The following SPTBN4 variants were observed in gnomAD, a reference collection of about 807,000 sequenced individuals.
The protein encoded by SPTBN4 is spectrin beta chain, non-erythrocytic 4.
In SPTBN4, 96 loss-of-function variants were observed where a neutral mutation model predicts 277.8. That is an observed-to-expected ratio of 0.35 (90% CI 0.29 to 0.41). SPTBN4 has a LOEUF of 0.41. Ranked by LOEUF, SPTBN4 falls within the 10% of genes least tolerant of loss-of-function variation. The pLI is 1.00. For missense variants in SPTBN4, 3,006 were observed against 3,595.7 expected (o/e 0.84, Z 4.19); for synonymous variants, 1,481 against 1,580.3 (o/e 0.94, Z 1.49).
At position 40,554,094 on chromosome 19, in the gene SPTBN4, A is replaced by C; in HGVS notation, c.4675-53A>C. 4 of 1,390,342 alleles carry C rather than the reference A, an allele frequency of 2.9e-6. No homozygotes were observed. The highest frequency in any genetic ancestry group is 3.7e-6 in the Non-Finnish European group (4 of 1,081,194). The allele number at this position is 1,390,342 out of a possible 1,614,324, so 86.1% of individuals were successfully genotyped here. A position where few individuals can be genotyped will look rare whatever the true frequency, so the allele number is the denominator to read the frequency against. ...GTAGCAGAGGAGCGTGTGGTCTTGC[A>C]GGGCCTCGGAACGCCCCCTCTCCAC... On this transcript the variant is annotated intron_variant, in intron 22 of 35. Coordinates refer to ENST00000598249, the MANE Select transcript of SPTBN4 (RefSeq NM_020971.3). The surrounding 1 kb of genome is among the most constrained non-coding windows in gnomAD (Gnocchi z 5.7).
intron 2 of SPTBN4, among the ~76,000 whole-genome samples, chr19:40,485,360 C>T (rs1007529008): frequency 5.9e-5 from 9 of 151,980 alleles, no homozygotes; most frequent in Non-Finnish European, 1.2e-4. Flanking sequence ...AGGCTGGTCT[C>T]GAACTCCTGA....
intron 18 of SPTBN4, 34 bp from the exon 19 acceptor site, chr19:40,532,591 G>T (rs1311057248): frequency 6.3e-7 from 1 of 1,589,926 alleles, no homozygotes; most frequent in Non-Finnish European, 8.6e-7. Context: ...AGGTTGAGGG[G>T]ACCAGCTGAG....
chr19:40,488,251 G>A (rs2080095699), intron 3 of SPTBN4, among the ~76,000 whole-genome samples: 1 of 152,074 alleles, frequency 6.6e-6, no homozygotes, highest in Non-Finnish European at 1.5e-5. Context: ...CGGGTTGGGG[G>A]TGGGTAGTGG....
Position 40,575,442 on chromosome 19 carries a change from C to T in SPTBN4, c.7568C>T (p.Ala2523Val). Residue 2523 changes from alanine (A) to valine (V), a missense_variant, in exon 36 of 36, where the codon GCT (alanine) becomes GTT (valine). Transcript: ENST00000598249. ...EEMNGWLEAV[A>V]SSVAEHAEIA... ...ATGAACGGCTGGCTGGAGGCTGTAG[C>T]TTCCTCGGTGGCGGAACACGCAGAG... 6.2e-7 allele frequency: 1 copy of T among 1,613,390 alleles called. No homozygotes were observed. The highest frequency in any genetic ancestry group is 8.5e-7 in the Non-Finnish European group (1 of 1,179,860).
intron 2 of SPTBN4, among the ~76,000 whole-genome samples, chr19:40,482,103 A>T (rs944328377): frequency 1.6e-4 from 24 of 151,542 alleles, no homozygotes; most frequent in African/African-American, 4.9e-4. Context: ...CACCTGGCTA[A>T]TTCTTATATT....
chr19:40,487,873 C>T (rs749541358), intron 3 of SPTBN4, 25 bp downstream of exon 3: 6 of 1,570,002 alleles, frequency 3.8e-6, no homozygotes, highest in African/African-American at 1.4e-5. Flanking sequence ...AGGGCTGGGG[C>T]AGGGGTCCTC....
intron 20 of SPTBN4, among the ~76,000 whole-genome samples, chr19:40,542,476 G>A (rs996216434): frequency 6.6e-6 from 1 of 152,132 alleles, no homozygotes. Context: ...CTGGCCAGCT[G>A]GTCGGCCTCA....
intron 3 of SPTBN4, among the ~76,000 whole-genome samples, chr19:40,488,134 T>C (rs1169415085): frequency 1.3e-5 from 2 of 151,914 alleles, no homozygotes; most frequent in African/African-American, 4.8e-5. Context: ...CCGGGCTCTG[T>C]TGCAAGGGGC....
At chr19:40,534,380 C>T in intron 20 of SPTBN4, 37 bp downstream of exon 20, 4 of 1,600,242 alleles carry the variant, frequency 2.5e-6, no homozygotes, top group Non-Finnish European at 2.6e-6. Context: ...GCTCCCTATG[C>T]CACATGGGGG....
intron 2 of SPTBN4, among the ~76,000 whole-genome samples, chr19:40,476,811 T>A (rs1168560530): frequency 6.6e-6 from 1 of 151,960 alleles, no homozygotes; most frequent in Non-Finnish European, 1.5e-5. Flanking sequence ...ATGGTTTTGA[T>A]CTCCTGACCG....
At chr19:40,552,754 T>C (rs1343467923) in intron 22 of SPTBN4, among the ~76,000 whole-genome samples, 1 of 152,182 alleles carries the variant, frequency 6.6e-6, no homozygotes, top group Admixed American at 6.6e-5. Context: ...GAAAATACTC[T>C]TGGCTGTCAA....
intron 33 of SPTBN4, 113 bp from the exon 34 acceptor site, chr19:40,571,906 G>A (rs1339303982): frequency 5.5e-6 from 7 of 1,276,136 alleles, no homozygotes; most frequent in East Asian, 2.6e-5. Flanking sequence ...CAACTAGGGC[G>A]CAAAGGTCCA....
chr19:40,575,324 CAG>C (rs1454334948), intron 35 of SPTBN4, 85 bp from the exon 36 acceptor site: 13 of 1,436,568 alleles, frequency 9.0e-6, no homozygotes, highest in Non-Finnish European at 1.1e-5. Context: ...AACTGAATTT[CAG>C]AGAGGGTAGT....
In SPTBN4 at chr19:40,512,613, G is replaced by A; in HGVS notation, c.1824G>A (p.Gln608=). Residue 608 remains glutamine (Q), a synonymous_variant, in exon 14 of 36, where the codon CAG becomes CAA. Coordinates refer to ENST00000598249, the MANE Select transcript of SPTBN4 (RefSeq NM_020971.3). ...ALRFSQLQGY[Q]PCDPQVICNR... ...CCCCTTCTCCTGGCTCAGGCTACCA[G>A]CCCTGCGACCCGCAGGTCATCTGCA... 6.5e-7 allele frequency: 1 copy of A among 1,536,104 alleles called. No individual in the cohort carries two copies. The highest frequency in any genetic ancestry group is 8.7e-7 in the Non-Finnish European group (1 of 1,149,138).
intron 17 of SPTBN4, among the ~76,000 whole-genome samples, chr19:40,526,736 C>T (rs2080597380): frequency 6.6e-6 from 1 of 152,128 alleles, no homozygotes; most frequent in Non-Finnish European, 1.5e-5. Flanking sequence ...AAGCATGTGC[C>T]ACCTTGCTCG....
chr19:40,533,052 A>G (rs1345694392), intron 19 of SPTBN4, among the ~76,000 whole-genome samples: 2 of 152,020 alleles, frequency 1.3e-5, no homozygotes, highest in African/African-American at 4.8e-5. Flanking sequence ...AACCTCCTCT[A>G]CCAGGTTCCT....
chr19:40,498,627 G>T (rs992641332), intron 7 of SPTBN4, among the ~76,000 whole-genome samples: 15 of 151,542 alleles, frequency 9.9e-5, no homozygotes, highest in Non-Finnish European at 5.9e-5. Context: ...GGATGGTCTC[G>T]ATCTCCTGAC....
At chr19:40,542,790 T>C (rs2080816505) in intron 20 of SPTBN4, among the ~76,000 whole-genome samples, 1 of 151,940 alleles carries the variant, frequency 6.6e-6, no homozygotes, top group East Asian at 1.9e-4. Context: ...CATCCTTTCT[T>C]TCTTTCCTTT....
intron 3 of SPTBN4, among the ~76,000 whole-genome samples, chr19:40,488,298 C>G (rs944511041): frequency 6.6e-6 from 1 of 151,834 alleles, no homozygotes; most frequent in East Asian, 1.9e-4. Context: ...GGGCAGTGTT[C>G]GTTGGTAGGG....
Sources: gnomAD v4.1 joint callset for allele counts (sites outside exome capture counted in the v4.1 genomes callset) on GRCh38, gnomAD v4.1.1 for gene constraint, Gnocchi (gnomAD v3.1) non-coding constraint, MANE v1.5 for transcripts, NCBI Gene and HGNC (gene_info 2026-07-23, HGNC 2026-07-21) for gene names.